Variants in CRYBG1 observed in about 807,000 individuals in gnomAD.
CRYBG1 encodes beta/gamma crystallin domain-containing protein 1.
A neutral mutation model predicts 189.2 loss-of-function variants in CRYBG1; 139 were observed. That is an observed-to-expected ratio of 0.73 (90% CI 0.64 to 0.85). The LOEUF (loss-of-function observed/expected upper bound fraction) is 0.85. CRYBG1 is among the 40% of genes least tolerant of loss of function. The pLI, the probability that CRYBG1 is intolerant of heterozygous loss-of-function variation, is 0.00. For missense variants in CRYBG1, 2,611 were observed against 2,675.8 expected, an observed-to-expected ratio of 0.98 and a Z score of 0.53; for synonymous variants, 1,023 against 1,017.1, an observed-to-expected ratio of 1.01 and a Z score of -0.11.
intron 1 of CRYBG1, among the ~76,000 whole-genome samples, chr6:106,376,511 A>G (rs1240315601): frequency 2.6e-5 from 4 of 152,144 alleles, no homozygotes; most frequent in Non-Finnish European, 5.9e-5. Context: ...CAGGAGTGGG[A>G]GGTCAGGCTG....
chr6:106,499,127 T>C (rs1772924891), intron 2 of CRYBG1, among the ~76,000 whole-genome samples: 1 of 126,250 alleles, frequency 7.9e-6, no homozygotes, highest in Non-Finnish European at 1.6e-5. Context: ...TGTGTGTTTT[T>C]TGTTTTTTGT....
chr6:106,454,156 CCT>C (rs1413413887), intron 2 of CRYBG1, among the ~76,000 whole-genome samples: 1 of 152,152 alleles, frequency 6.6e-6, no homozygotes, highest in African/African-American at 2.4e-5. Context: ...TCCCTTCTCC[CCT>C]CTCTCTTTTC....
intron 1 of CRYBG1, among the ~76,000 whole-genome samples, chr6:106,393,527 T>C (rs1770548794): frequency 6.6e-6 from 1 of 152,204 alleles, no homozygotes; most frequent in Non-Finnish European, 1.5e-5. Flanking sequence ...TGGGCAGGGA[T>C]TGGATGGTGC....
intron 1 of CRYBG1, among the ~76,000 whole-genome samples, chr6:106,421,460 G>T (rs1771121684): frequency 6.6e-6 from 1 of 152,128 alleles, no homozygotes; most frequent in Non-Finnish European, 1.5e-5. Flanking sequence ...TATATGTTCA[G>T]TTCAAGATGG....
intron 1 of CRYBG1, among the ~76,000 whole-genome samples, chr6:106,444,826 G>A (rs1053789663): frequency 6.6e-6 from 1 of 152,156 alleles, no homozygotes; most frequent in Admixed American, 6.5e-5. Context: ...ATTGGGAGAT[G>A]GCTCCCAGCC....
At chr6:106,449,995 C>T (rs1652353545) in intron 1 of CRYBG1, among the ~76,000 whole-genome samples, 1 of 152,116 alleles carries the variant, frequency 6.6e-6, no homozygotes, top group African/African-American at 2.4e-5. Flanking sequence ...GAGGCTGAGG[C>T]AGGTGGCTCA....
chr6:106,443,082 A>G (rs1771595361), intron 1 of CRYBG1, among the ~76,000 whole-genome samples: 1 of 152,204 alleles, frequency 6.6e-6, no homozygotes. Context: ...ACTAAACTGA[A>G]GACATAATGA....
chr6:106,525,120 C>T lies in CRYBG1; in HGVS notation c.4246-13C>T, dbSNP rs375190271. 2.5e-6 allele frequency: 4 copies of T among 1,613,218 alleles called. No individual in the cohort carries two copies. In the South Asian group the frequency reaches 3.3e-5, roughly 13 times the overall value. On this transcript the variant is annotated splice_polypyrimidine_tract_variant and intron_variant, in intron 4 of 21. Transcript: ENST00000633556. ...TGTAATTATTTGTTGTGTTTTTGTT[C>T]ATCTGATTGCAGACACTTAGAGGAA...
intron 2 of CRYBG1, among the ~76,000 whole-genome samples, chr6:106,478,663 A>G (rs1278824135): frequency 6.6e-6 from 1 of 152,230 alleles, no homozygotes; most frequent in African/African-American, 2.4e-5. Flanking sequence ...GACCAATACC[A>G]GTCCATGACC....
chr6:106,435,172 C>CATT (rs139037656), intron 1 of CRYBG1, among the ~76,000 whole-genome samples: 24 of 152,032 alleles, frequency 1.6e-4, no homozygotes, highest in South Asian at 4.2e-4. Flanking sequence ...ACTACAAAGT[C>CATT]ATTATTATTA....
rs1162254716 is a variant in CRYBG1 at position 106,525,255 on chromosome 6, C to T, written c.4294-13C>T. 6.2e-6 allele frequency: 10 copies of T among 1,613,256 alleles called. No homozygotes were observed. The highest frequency in any genetic ancestry group is 1.1e-5 in the South Asian group (1 of 91,060). ...GTACAACAAAGTGTGCTACCACTTT[C>T]GTTTTCTTGCAGGTAGTGATATATA... On this transcript the variant is annotated splice_polypyrimidine_tract_variant and intron_variant, in intron 5 of 21. Transcript: ENST00000633556.
At chr6:106,443,475 G>A (rs1458480348) in intron 1 of CRYBG1, among the ~76,000 whole-genome samples, 1 of 152,158 alleles carries the variant, frequency 6.6e-6, no homozygotes, top group African/African-American at 2.4e-5. Flanking sequence ...AGGATATTAA[G>A]TAAGATGGTA....
intron 3 of CRYBG1, 124 bp from the exon 4 acceptor site, chr6:106,519,007 A>ACACACACACC: frequency 9.7e-7 from 1 of 1,027,208 alleles, no homozygotes; most frequent in African/African-American, 1.6e-5. Flanking sequence ...ACACACACAC[A>ACACACACACC]CCACACTCCA....
chr6:106,428,363 A>C (rs2114399773), intron 1 of CRYBG1, among the ~76,000 whole-genome samples: 1 of 152,314 alleles, frequency 6.6e-6, no homozygotes, highest in South Asian at 2.1e-4. Flanking sequence ...ATGATGGATA[A>C]TAATATCTGG....
intron 3 of CRYBG1, among the ~76,000 whole-genome samples, chr6:106,516,828 AACCTC>A (rs1424617830): frequency 6.6e-6 from 1 of 152,142 alleles, no homozygotes; most frequent in Non-Finnish European, 1.5e-5. Context: ...TCAGCTGCAT[AACCTC>A]AGGGAGTTAC....
intron 1 of CRYBG1, among the ~76,000 whole-genome samples, chr6:106,380,970 G>A (rs933712155): frequency 6.6e-5 from 10 of 152,148 alleles, no homozygotes; most frequent in Non-Finnish European, 1.0e-4. Flanking sequence ...TTGGATGATT[G>A]CAAATGGGAA....
At chr6:106,462,479 G>A (rs1772034749) in intron 2 of CRYBG1, among the ~76,000 whole-genome samples, 1 of 152,196 alleles carries the variant, frequency 6.6e-6, no homozygotes, top group Non-Finnish European at 1.5e-5. Context: ...TTTAAACAGT[G>A]TTTTTGCAGC....
At chr6:106,528,004 TC>T (rs1773793224) in intron 7 of CRYBG1, among the ~76,000 whole-genome samples, 1 of 152,342 alleles carries the variant, frequency 6.6e-6, no homozygotes, top group East Asian at 1.9e-4. Context: ...TCAGAGTCTT[TC>T]TTTGTGGCTC....
intron 1 of CRYBG1, among the ~76,000 whole-genome samples, chr6:106,423,123 C>G (rs775030196): frequency 1.3e-5 from 2 of 152,078 alleles, no homozygotes; most frequent in Non-Finnish European, 2.9e-5. Context: ...AATGAATGAT[C>G]CCTTGATCTA....
Sources: gnomAD v4.1 joint callset for allele counts (sites outside exome capture counted in the v4.1 genomes callset) on GRCh38, gnomAD v4.1.1 for gene constraint, MANE v1.5 for transcripts, NCBI Gene and HGNC (gene_info 2026-07-23, HGNC 2026-07-21) for gene names.